MYOF: variants seen among roughly 807,000 people sequenced by gnomAD.
The protein encoded by MYOF is myoferlin, also known as fer-1-like 3, myoferlin.
A neutral mutation model predicts 284.2 loss-of-function variants in MYOF; 244 were observed. The ratio of observed to expected loss-of-function variants is 0.86; its 90% CI spans 0.77 to 0.95. The LOEUF (loss-of-function observed/expected upper bound fraction) is 0.95. MYOF is among the 40% of genes least tolerant of loss of function. The pLI, the probability that MYOF is intolerant of heterozygous loss-of-function variation, is 0.00. For synonymous variants in MYOF, 904 were observed against 919.7 expected (o/e 0.98, Z 0.31); for missense variants, 2,496 against 2,560.6 (o/e 0.97, Z 0.54).
chr10:93,325,872 A>T lies in MYOF; in HGVS notation c.5225T>A (p.Val1742Glu). The T allele has an allele frequency of 6.2e-7, 1 of 1,614,076 alleles. No homozygotes were observed. Among genetic ancestry groups the T allele is most frequent in the Non-Finnish European group, 8.5e-7 (1 of 1,180,014 alleles). The change falls in exon 46 of 54, where the codon GTG (valine) becomes GAG (glutamate). Residue 1742 changes from valine to glutamate, a missense_variant. Transcript: ENST00000359263. The part of the protein sequence containing the change: ...LRTQGLVPEH[V>E]ETRTLHSTFQ... ...GGTGCTGTGCAAAGTCCTTGTTTCC[A>T]CGTGCTCAGGGACCAGCCCCTGAGT... is the stretch of plus-strand genomic sequence containing the variant.
At chr10:93,332,224 T>TTC (rs1438841861) in intron 43 of MYOF, among the ~76,000 whole-genome samples, 1 of 47,230 alleles carries the variant, frequency 2.1e-5, no homozygotes, top group Non-Finnish European at 5.0e-5. Flanking sequence ...CCTCATTCTT[T>TTC]TATTTTTTTT....
intron 51 of MYOF, 138 bp downstream of exon 51, chr10:93,312,882 C>T: frequency 3.4e-6 from 3 of 893,176 alleles, no homozygotes; most frequent in Non-Finnish European, 5.0e-6. Context: ...ATCCCAAAGA[C>T]AAACTGTTCC....
intron 49 of MYOF, 75 bp from the exon 50 acceptor site, chr10:93,316,888 T>C: frequency 8.0e-7 from 1 of 1,253,748 alleles, no homozygotes; most frequent in Non-Finnish European, 1.2e-6. Flanking sequence ...CATCAAAGCC[T>C]GGGGCCTTTC....
At position 93,332,825 on chromosome 10, in the gene MYOF, T is replaced by C. The variant is rs562324070; in HGVS notation, c.4811+396A>G. On this transcript the variant is annotated intron_variant, in intron 43 of 53. Transcript: ENST00000359263. ...TCACGCCACTGCACTCCAGCATGGG[T>C]GACAGCAAGACTCTGTCTTAAAAAA... 5.3e-4 allele frequency among the ~76,000 whole-genome samples: 80 copies of C among 152,084 alleles called. 1 individual carries two copies. Among genetic ancestry groups the C allele is most frequent in the Middle Eastern group, 3.4e-3 (1 of 294 alleles).
At chr10:93,457,676 C>T (rs879891071) in intron 1 of MYOF, among the ~76,000 whole-genome samples, 3 of 152,048 alleles carry the variant, frequency 2.0e-5, no homozygotes, top group Non-Finnish European at 4.4e-5. Flanking sequence ...TCCCCAAATA[C>T]CTACCCAAAT....
chr10:93,409,635 G>A lies in MYOF; in HGVS notation c.538C>T (p.Arg180Trp), dbSNP rs773612352. ...CTGTTCTTTACTTTGGTGAGCCTCC[G>A]AGCAAGCTGAGCTTCCGACACCGTC... ...VGTVSEAQLA[R>W]RLTKVKNSRR... Residue 180 changes from arginine (R) to tryptophan (W), a missense_variant, in exon 6 of 54, where the codon CGG becomes TGG. Transcript: ENST00000359263. 2.1e-5 allele frequency: 34 copies of A among 1,614,150 alleles called. No homozygotes were observed. Among genetic ancestry groups the A allele is most frequent in the East Asian group, 1.6e-4 (7 of 44,866 alleles).
Position 93,389,075 on chromosome 10 carries a change from C to T in MYOF, c.1536G>A (p.Glu512=), listed in dbSNP as rs1312910107. The T allele has an allele frequency of 1.2e-6, 2 of 1,614,146 alleles. No individual in the cohort carries two copies. The highest frequency in any genetic ancestry group is 2.2e-5 in the East Asian group (1 of 44,868). Residue 512 remains glutamate, a synonymous_variant, in exon 18 of 54, where the codon GAG becomes GAA. Transcript: ENST00000359263. Reference sequence around the variant, plus strand: ...CATAGGGGTCTGGGAATCCCGTGTACTCTCTGGGGCTTCCATAAAGATTCA... The same window carrying T: ...CATAGGGGTCTGGGAATCCCGTGTATTCTCTGGGGCTTCCATAAAGATTCA... ...CYLNLYGSPR[E]YTGFPDPYDE...
intron 39 of MYOF, among the ~76,000 whole-genome samples, chr10:93,339,116 G>T (rs1034117903): frequency 1.3e-5 from 2 of 150,032 alleles, no homozygotes; most frequent in African/African-American, 2.5e-5. Flanking sequence ...GGCTTCAAGC[G>T]ATTCTCCTGC....
chr10:93,463,317 G>A (rs1296698397), intron 1 of MYOF, among the ~76,000 whole-genome samples: 1 of 151,736 alleles, frequency 6.6e-6, no homozygotes, highest in Non-Finnish European at 1.5e-5. Flanking sequence ...CATTTTGGAA[G>A]GCCAAGGCCA....
At chr10:93,368,713 G>T (rs787645) in intron 25 of MYOF, among the ~76,000 whole-genome samples, 120,367 of 152,174 alleles carry the variant, frequency 0.79, 47,822 homozygotes, top group East Asian at 0.98. Context: ...AAATAAAAGA[G>T]GGTCAAGGGT....
intron 4 of MYOF, among the ~76,000 whole-genome samples, chr10:93,426,830 C>A (rs1297788462): frequency 1.3e-5 from 2 of 150,260 alleles, no homozygotes; most frequent in Non-Finnish European, 3.0e-5. Flanking sequence ...GCGGAGGTTG[C>A]AGTGAGCTGA....
chr10:93,349,893 C>G lies in MYOF; in HGVS notation c.3998G>C (p.Cys1333Ser). The change falls in exon 36 of 54, where the codon TGT becomes TCT. Residue 1333 changes from cysteine (C) to serine (S), a missense_variant. Physicochemically the swap from Cys to Ser is moderately radical, Grantham distance 112. Coordinates refer to ENST00000359263, the MANE Select transcript of MYOF (RefSeq NM_013451.4). The stretch of plus-strand genomic sequence containing the variant: ...CACCGATTCCACCCTTTCTCCTCCA[C>G]ACTCCACAACAAGACTGGGGGATGT... ...SITSPSLVVE[C>S]GGERVESVVI... The G allele has an allele frequency of 1.2e-6, 2 of 1,614,170 alleles. No individual in the cohort carries two copies. The highest frequency in any genetic ancestry group is 1.7e-6 in the Non-Finnish European group (2 of 1,180,026).
intron 31 of MYOF, among the ~76,000 whole-genome samples, chr10:93,354,702 T>TCTCTCTCTCTCTCTCTCTCTCTCTCTC (rs1491377561): frequency 9.8e-4 from 147 of 149,790 alleles, no homozygotes; most frequent in Middle Eastern, 3.4e-3. Flanking sequence ...TCTCTCTCTC[T>TCTCTCTCTCTCTCTCTCTCTCTCTCTC]TTGTGAGATA....
chr10:93,346,040 C>T (rs1315423258), intron 37 of MYOF, among the ~76,000 whole-genome samples: 5 of 152,124 alleles, frequency 3.3e-5, no homozygotes, highest in African/African-American at 1.2e-4. Flanking sequence ...AAAAAAAAAG[C>T]CAGGAAAGTG....
intron 1 of MYOF, among the ~76,000 whole-genome samples, chr10:93,473,766 A>G (rs1384541390): frequency 6.6e-6 from 1 of 152,180 alleles, no homozygotes; most frequent in Admixed American, 6.5e-5. Context: ...CTATCCTTTC[A>G]GATAGTACAA....
At chr10:93,344,630 T>A (rs1001665331) in intron 37 of MYOF, among the ~76,000 whole-genome samples, 1 of 149,042 alleles carries the variant, frequency 6.7e-6, no homozygotes, top group East Asian at 2.0e-4. Context: ...ATATCTAATG[T>A]AGATAACAGG....
chr10:93,461,159 T>C (rs1254983976), intron 1 of MYOF, among the ~76,000 whole-genome samples: 1 of 152,240 alleles, frequency 6.6e-6, no homozygotes, highest in Non-Finnish European at 1.5e-5. Context: ...ATTCTCATCC[T>C]GAAGTTTCTT....
intron 25 of MYOF, among the ~76,000 whole-genome samples, chr10:93,369,110 CTTTTTTTTT>C (rs66923086): frequency 2.6e-5 from 2 of 78,306 alleles, no homozygotes; most frequent in East Asian, 4.7e-4. Flanking sequence ...ATTCAGACAG[CTTTTTTTTT>C]TTTTTTTTTT....
rs781639133 is a variant in MYOF, at chr10:93,389,058, T to C, written c.1553A>G (p.Asp518Gly). 1 of 1,614,106 alleles carries C rather than the reference T, an allele frequency of 6.2e-7. No individual in the cohort carries two copies. Reference protein sequence around the residue: ...GSPREYTGFPDPYDELNTGKG... With the variant: ...GSPREYTGFPGPYDELNTGKG... ...TCCAGTATTCAGCTCATCATAGGGG[T>C]CTGGGAATCCCGTGTACTCTCTGGG... The change falls in exon 18 of 54, where the codon GAC becomes GGC. Residue 518 changes from aspartate (D) to glycine (G), a missense_variant. By Grantham distance (94) the Asp-to-Gly change is moderately conservative. Coordinates refer to ENST00000359263, the MANE Select transcript of MYOF (RefSeq NM_013451.4).
Sources: gnomAD v4.1 joint callset for allele counts (sites outside exome capture counted in the v4.1 genomes callset) on GRCh38, gnomAD v4.1.1 for gene constraint, MANE v1.5 for transcripts, NCBI Gene and HGNC (gene_info 2026-07-23, HGNC 2026-07-21) for gene names.